The following FBXL17 variants were observed in gnomAD, a reference collection of about 807,000 sequenced individuals.
The protein encoded by FBXL17 is F-box and leucine rich repeat protein 17, also known as F-box/LRR-repeat protein 17.
Under a neutral mutation model 66.2 loss-of-function variants are expected in FBXL17, and 22 were observed. That is an observed-to-expected ratio of 0.33 (90% CI 0.24 to 0.47). FBXL17 has a LOEUF of 0.47. Among genes scored for constraint, FBXL17 ranks in the 20% least tolerant of loss-of-function variants. The probability of loss-of-function intolerance (pLI) is 1.00; values close to 1 mark genes in which losing one functional copy is unlikely to be tolerated. For missense variants in FBXL17, 878 were observed against 948.2 expected, an observed-to-expected ratio of 0.93 and a Z score of 0.97; for synonymous variants, 474 against 400.5, an observed-to-expected ratio of 1.18 and a Z score of -2.19.
chr5:108,233,411 T>C (rs1755459453), intron 4 of FBXL17, among the ~76,000 whole-genome samples: 3 of 152,180 alleles, frequency 2.0e-5, no homozygotes, highest in Non-Finnish European at 4.4e-5. Context: ...GAATCATACA[T>C]ACTCACAGGC....
At chr5:108,188,188 A>G (rs569923429) in intron 5 of FBXL17, among the ~76,000 whole-genome samples, 108 of 152,328 alleles carry the variant, frequency 7.1e-4, no homozygotes, top group African/African-American at 2.4e-3. Flanking sequence ...TCAGCTCCCA[A>G]TGGGAGAAGC....
intron 4 of FBXL17, among the ~76,000 whole-genome samples, chr5:108,267,934 A>C (rs1470792878): frequency 1.3e-5 from 2 of 152,110 alleles, no homozygotes; most frequent in African/African-American, 2.4e-5. Flanking sequence ...TATTATTAAT[A>C]AGCTCTGTTT....
chr5:108,238,337 G>C (rs1477235807), intron 4 of FBXL17, among the ~76,000 whole-genome samples: 1 of 152,140 alleles, frequency 6.6e-6, no homozygotes, highest in Non-Finnish European at 1.5e-5. Flanking sequence ...AATATTTACT[G>C]AGTTCGTGTT....
chr5:108,061,482 T>A (rs1383885145), intron 6 of FBXL17, among the ~76,000 whole-genome samples: 1 of 152,008 alleles, frequency 6.6e-6, no homozygotes, highest in Non-Finnish European at 1.5e-5. Flanking sequence ...CCAGACCCCA[T>A]CCACAGGCTG....
chr5:108,083,344 A>T (rs1325065465), intron 6 of FBXL17, among the ~76,000 whole-genome samples: 1 of 152,108 alleles, frequency 6.6e-6, no homozygotes, highest in Non-Finnish European at 1.5e-5. Flanking sequence ...AGCTCCATGT[A>T]AACTCACAAA....
At chr5:108,375,394 CAA>C (rs1487572545) in intron 1 of FBXL17, among the ~76,000 whole-genome samples, 1 of 147,672 alleles carries the variant, frequency 6.8e-6, no homozygotes, top group Admixed American at 6.9e-5. Context: ...CACACACACA[CAA>C]AATTGGCTAG....
chr5:108,048,188 C>T (rs1747330230), intron 6 of FBXL17, among the ~76,000 whole-genome samples: 1 of 152,178 alleles, frequency 6.6e-6, no homozygotes, highest in Non-Finnish European at 1.5e-5. Context: ...CCCCAACAAA[C>T]TGAAGCAGCC....
Position 108,381,149 on chromosome 5 carries a change from C to T in FBXL17, c.543G>A (p.Gly181=). 1 of 1,399,548 alleles carries T rather than the reference C, an allele frequency of 7.1e-7. No homozygotes were observed. Among genetic ancestry groups the T allele is most frequent in the Non-Finnish European group, 9.3e-7 (1 of 1,079,560 alleles). The allele number at this position is 1,399,548 out of a possible 1,614,324, so 86.7% of individuals were successfully genotyped here. A position where few individuals can be genotyped will look rare whatever the true frequency, so the allele number is the denominator to read the frequency against. The change falls in exon 1 of 9, where the codon GGG becomes GGA. Residue 181 remains glycine, a synonymous_variant. Coordinates refer to ENST00000542267, the MANE Select transcript of FBXL17 (RefSeq NM_001163315.3). The part of the protein sequence containing the change: ...GPPAAVQLFR[G]PTPSPAELPT... ...GGAGCTCGGCCGGTGACGGTGTCGG[C>T]CCCCGGAAGAGCTGCACGGCGGCGG...
intron 7 of FBXL17, among the ~76,000 whole-genome samples, chr5:107,956,967 T>C (rs1751686978): frequency 6.6e-6 from 1 of 152,164 alleles, no homozygotes; most frequent in South Asian, 2.1e-4. Context: ...ACTGATAGTG[T>C]TGAGATGGCA....
intron 7 of FBXL17, among the ~76,000 whole-genome samples, chr5:107,949,298 T>C (rs1484259690): frequency 1.3e-5 from 2 of 152,202 alleles, no homozygotes; most frequent in East Asian, 1.9e-4. Flanking sequence ...CTAGGTACCA[T>C]ATCTTAACAG....
intron 6 of FBXL17, among the ~76,000 whole-genome samples, chr5:108,061,378 G>T (rs1580388359): frequency 6.6e-6 from 1 of 151,996 alleles, no homozygotes; most frequent in Non-Finnish European, 1.5e-5. Context: ...GTACCAATGA[G>T]ATGATTTATG....
chr5:108,085,876 A>T (rs1413749674), intron 6 of FBXL17, among the ~76,000 whole-genome samples: 1 of 152,192 alleles, frequency 6.6e-6, no homozygotes, highest in African/African-American at 2.4e-5. Flanking sequence ...GTGATCCGAG[A>T]TTATGGCACT....
intron 5 of FBXL17, among the ~76,000 whole-genome samples, chr5:108,197,603 T>C (rs1008906158): frequency 1.3e-5 from 2 of 152,190 alleles, no homozygotes; most frequent in Admixed American, 1.3e-4. Context: ...CCAAGCCAAG[T>C]GACCTGTACA....
At chr5:108,337,931 A>G (rs1185743919) in intron 4 of FBXL17, among the ~76,000 whole-genome samples, 1 of 151,978 alleles carries the variant, frequency 6.6e-6, no homozygotes, top group Non-Finnish European at 1.5e-5. Context: ...TTTCCATTAA[A>G]TTCTTCGCAC....
At chr5:107,946,291 A>AG (rs1192344486) in intron 7 of FBXL17, among the ~76,000 whole-genome samples, 1 of 70,440 alleles carries the variant, frequency 1.4e-5, no homozygotes, top group Non-Finnish European at 2.9e-5. Context: ...ATATATATAT[A>AG]TATATATATA....
At chr5:108,227,902 G>A (rs1016059247) in intron 4 of FBXL17, among the ~76,000 whole-genome samples, 9 of 152,112 alleles carry the variant, frequency 5.9e-5, no homozygotes, top group African/African-American at 2.2e-4. Context: ...ACAAAAAGGG[G>A]TAACAGAGGT....
intron 2 of FBXL17, among the ~76,000 whole-genome samples, chr5:108,367,105 T>C (rs998639403): frequency 5.9e-5 from 9 of 152,252 alleles, no homozygotes; most frequent in East Asian, 3.9e-4. Flanking sequence ...TAATACACCA[T>C]GGCAGAATTT....
chr5:108,089,591 C>CT (rs1749112900), intron 6 of FBXL17, among the ~76,000 whole-genome samples: 1 of 152,090 alleles, frequency 6.6e-6, no homozygotes, highest in Non-Finnish European at 1.5e-5. Context: ...ATAGGCTTTC[C>CT]TAGGAAAATT....
At chr5:108,225,780 G>A (rs957363731) in intron 4 of FBXL17, among the ~76,000 whole-genome samples, 1 of 152,120 alleles carries the variant, frequency 6.6e-6, no homozygotes, top group African/African-American at 2.4e-5. Flanking sequence ...AGTAATCAAG[G>A]TTTTGTCCCT....
Sources: allele counts gnomAD v4.1 joint callset (sites outside exome capture counted in the v4.1 genomes callset), GRCh38; gene constraint gnomAD v4.1.1; transcripts MANE v1.5; gene names NCBI Gene and HGNC (gene_info 2026-07-23, HGNC 2026-07-21).